The following SPART variants were observed in gnomAD, a reference collection of about 807,000 sequenced individuals.
SPART encodes the protein spartin.
In SPART, 35 loss-of-function variants were observed where a neutral mutation model predicts 58.7. The observed-to-expected ratio is 0.60, with a 90% CI of 0.46 to 0.79. The LOEUF (loss-of-function observed/expected upper bound fraction) is 0.79. SPART is among the 30% of genes least tolerant of loss of function. The pLI is 0.00. For missense variants in SPART, 730 were observed against 786.1 expected, an observed-to-expected ratio of 0.93 and a Z score of 0.85; for synonymous variants, 284 against 280.7, an observed-to-expected ratio of 1.01 and a Z score of -0.12.
intron 5 of SPART, among the ~76,000 whole-genome samples, chr13:36,316,637 C>T (rs1881737173): frequency 6.6e-6 from 1 of 152,130 alleles, no homozygotes; most frequent in Non-Finnish European, 1.5e-5. Context: ...TACCCAAATC[C>T]TATAAAACGG....
In SPART at chr13:36,304,546, A is replaced by T; in HGVS notation, c.1820T>A (p.Ile607Asn). The part of the protein sequence containing the change: ...VGVTAYNINN[I>N]GIKAMVKKTA... ...TTTCTTCACCATTGCTTTGATACCA[A>T]TGTTGTTAATATTGTAGGCAGTTAC... Residue 607 changes from isoleucine (I) to asparagine (N), a missense_variant, in exon 9 of 9, where the codon ATT (isoleucine) becomes AAT (asparagine). Transcript: ENST00000438666. 1 of 1,614,078 alleles carries T rather than the reference A, an allele frequency of 6.2e-7. No individual in the cohort carries two copies. The highest frequency in any genetic ancestry group is 8.5e-7 in the Non-Finnish European group (1 of 1,180,000).
At chr13:36,326,154 G>T in intron 5 of SPART, 1 of 239,290 alleles carries the variant, frequency 4.2e-6, no homozygotes, top group Non-Finnish European at 8.2e-6. Context: ...CCTTCCAAAG[G>T]CCCCACCTCC....
At chr13:36,344,096 G>GT in intron 1 of SPART, among the ~76,000 whole-genome samples, 1 of 151,788 alleles carries the variant, frequency 6.6e-6, no homozygotes, top group South Asian at 2.1e-4. Context: ...GATGAGATGT[G>GT]TTTGATTCCA....
chr13:36,349,493 G>C (rs1313372301), upstream of SPART, among the ~76,000 whole-genome samples: 1 of 152,176 alleles, frequency 6.6e-6, no homozygotes, highest in East Asian at 1.9e-4. Flanking sequence ...ACAGTGCCCA[G>C]TACCAGAAGG....
At chr13:36,326,466 C>G in intron 5 of SPART, 109 bp downstream of exon 5, 1 of 1,416,520 alleles carries the variant, frequency 7.1e-7, no homozygotes, top group South Asian at 1.2e-5. Flanking sequence ...TCATTTAAAA[C>G]CAAAATACAA....
Position 36,326,645 on chromosome 13 carries a change from C to T in SPART, c.1218G>A (p.Glu406=), listed in dbSNP as rs916040310. The part of the protein sequence containing the change: ...EVNLSHIVPC[E]PVPEEKPKEL... ...CTTTTGGCTTTTCTTCTGGAACTGG[C>T]TCACATGGTACAATGTGACTCAGGT... Residue 406 remains glutamate, a synonymous_variant, in exon 5 of 9, where the codon GAG becomes GAA. Transcript: ENST00000438666. The T allele has an allele frequency of 5.0e-6, 8 of 1,613,202 alleles. No homozygotes were observed. In the African/African-American group the frequency reaches 8.0e-5, roughly 16 times the overall value.
chr13:36,311,925 TAA>T (rs539716464), intron 8 of SPART, among the ~76,000 whole-genome samples: 1 of 142,090 alleles, frequency 7.0e-6, no homozygotes, highest in Non-Finnish European at 1.5e-5. Flanking sequence ...CCATTTCTAC[TAA>T]AAAAAAAAAA....
chr13:36,307,651 C>T (rs1447043405), intron 8 of SPART, among the ~76,000 whole-genome samples: 1 of 151,970 alleles, frequency 6.6e-6, no homozygotes, highest in Non-Finnish European at 1.5e-5. Flanking sequence ...GAAACTTAAG[C>T]TTCATATGTA....
chr13:36,331,954 G>T (rs1883503676), intron 2 of SPART, among the ~76,000 whole-genome samples: 1 of 151,856 alleles, frequency 6.6e-6, no homozygotes, highest in African/African-American at 2.4e-5. Context: ...TTCCTTTTGT[G>T]GTAAATAAAC....
At chr13:36,338,884 C>T (rs1225864259) in intron 1 of SPART, among the ~76,000 whole-genome samples, 2 of 151,936 alleles carry the variant, frequency 1.3e-5, no homozygotes, top group African/African-American at 4.8e-5. Context: ...GAAAACTGTC[C>T]AAGCAATTCA....
chr13:36,335,784 A>T lies in SPART; in HGVS notation c.47T>A (p.Ile16Asn), dbSNP rs982542560. The T allele has an allele frequency of 2.5e-6, 4 of 1,613,554 alleles. No individual in the cohort carries two copies. Among genetic ancestry groups the T allele is most frequent in the Admixed American group, 3.3e-5 (2 of 59,994 alleles). Reference protein sequence around the residue: ...QNGEPAEIKIIREAYKKAFLF... With the variant: ...QNGEPAEIKINREAYKKAFLF... ...AAAGGCCTTCTTATATGCTTCTCTG[A>T]TGATCTTAATTTCAGCAGGTTCTCC... The change falls in exon 2 of 9, where the codon ATC becomes AAC. Residue 16 changes from isoleucine to asparagine, a missense_variant. Physicochemically the swap from Ile to Asn is moderately radical, Grantham distance 149. Transcript: ENST00000438666.
chr13:36,353,229 G>T (rs1291115185), intron 1 of SPART, among the ~76,000 whole-genome samples: 1 of 152,192 alleles, frequency 6.6e-6, no homozygotes, highest in African/African-American at 2.4e-5. Flanking sequence ...AGACAAATAT[G>T]TAAAGAATGA....
rs777967393 is a variant in SPART at position 36,331,432 on chromosome 13, A to G, written c.975T>C (p.Asp325=). Residue 325 remains aspartate, a synonymous_variant, in exon 3 of 9, where the codon GAT becomes GAC. Coordinates refer to ENST00000438666, the MANE Select transcript of SPART (RefSeq NM_015087.5). The part of the protein sequence containing the change: ...LPEDDRELFE[D]LLRQMSDLRL... ...GAAGGTCAGACATTTGCCTTAACAG[A>G]TCCTCAAAGAGCTCTCTATCATCCT... The G allele has an allele frequency of 8.7e-6, 14 of 1,613,974 alleles. No individual in the cohort carries two copies. Among genetic ancestry groups the G allele is most frequent in the Non-Finnish European group, 6.8e-6 (8 of 1,180,022 alleles).
chr13:36,306,958 T>C (rs1460770438), intron 8 of SPART, among the ~76,000 whole-genome samples: 1 of 152,222 alleles, frequency 6.6e-6, no homozygotes, highest in Non-Finnish European at 1.5e-5. Context: ...CAGCTTTTCA[T>C]CAGTTGTATT....
At chr13:36,328,526 T>A (rs1883170109) in intron 4 of SPART, among the ~76,000 whole-genome samples, 1 of 152,202 alleles carries the variant, frequency 6.6e-6, no homozygotes, top group Non-Finnish European at 1.5e-5. Context: ...TCTGTTAGGC[T>A]AGGCTGCATC....
Position 36,312,229 on chromosome 13 carries a change from GA to G in SPART, c.1648del (p.Ser550GlnfsTer50). 1 of 1,614,094 alleles carries G rather than the reference GA, an allele frequency of 6.2e-7. No homozygotes were observed. Among genetic ancestry groups the G allele is most frequent in the Non-Finnish European group, 8.5e-7 (1 of 1,179,960 alleles). On this transcript the variant is annotated frameshift_variant, in exon 8 of 9. Transcript: ENST00000438666. LOFTEE classifies it high-confidence loss of function. ...ACATTCCAATCCTTGCCAGACAGTTGAAAATCCTGTAAAAATAATATTTAAA... is the reference window on the plus strand; with the variant it reads ...ACATTCCAATCCTTGCCAGACAGTTGAAATCCTGTAAAAATAATATTTAAA... ...VVAASSVQGF[S>X]TVWQGLECAA...
At chr13:36,316,602 C>G in intron 5 of SPART, among the ~76,000 whole-genome samples, 1 of 152,124 alleles carries the variant, frequency 6.6e-6, no homozygotes, top group Non-Finnish European at 1.5e-5. Flanking sequence ...GAACAAACCC[C>G]CTTTGACTGT....
intron 5 of SPART, among the ~76,000 whole-genome samples, chr13:36,316,499 G>T (rs558208446): frequency 3.2e-4 from 49 of 152,264 alleles, no homozygotes; most frequent in African/African-American, 1.2e-3. Flanking sequence ...CTTAAGTGAT[G>T]ACATTACCTT....
intron 1 of SPART, chr13:36,336,258 G>GA (rs937349334): frequency 3.3e-4 from 51 of 156,096 alleles, no homozygotes; most frequent in African/African-American, 8.2e-4. Flanking sequence ...ACAGAAATGA[G>GA]AAAAAAAAAG....
Sources: allele counts gnomAD v4.1 joint callset (sites outside exome capture counted in the v4.1 genomes callset), GRCh38; gene constraint gnomAD v4.1.1; transcripts MANE v1.5; gene names NCBI Gene and HGNC (gene_info 2026-07-23, HGNC 2026-07-21).